ARL6IP4: variants seen among roughly 807,000 people sequenced by gnomAD.
ARL6IP4 encodes ARF like GTPase 6 interacting protein 4, also known as ADP-ribosylation factor-like protein 6-interacting protein 4.
A neutral mutation model predicts 28.1 loss-of-function variants in ARL6IP4; 24 were observed. That is an observed-to-expected ratio of 0.86 (90% confidence interval 0.62 to 1.20). The LOEUF (loss-of-function observed/expected upper bound fraction) is 1.20. ARL6IP4 is among the 50% of genes most tolerant of loss of function. The pLI, the probability that ARL6IP4 is intolerant of heterozygous loss-of-function variation, is 0.00. For synonymous variants in ARL6IP4, 162 were observed against 122.3 expected, an observed-to-expected ratio of 1.32 and a Z score of -2.14; for missense variants, 343 against 302.4, an observed-to-expected ratio of 1.13 and a Z score of -1.00.
chr12:122,981,739 A>AGAG lies in ARL6IP4; in HGVS notation c.335_337dup (p.Arg112dup), dbSNP rs749115516. 14 of 1,554,074 alleles carry AGAG rather than the reference A, an allele frequency of 9.0e-6. No individual in the cohort carries two copies. In the South Asian group the frequency reaches 1.5e-4, roughly 17 times the overall value. Reference sequence around the variant, plus strand: ...AAGAAGCGGGGGAAGTACAAGGACAAGAGGAGGAAGAAGAAGAAGAAGAGG... The same window carrying AGAG: ...AAGAAGCGGGGGAAGTACAAGGACAAGAGGAGGAGGAAGAAGAAGAAGAAGAGG... On this transcript the variant is annotated inframe_insertion, in exon 3 of 6. Coordinates refer to ENST00000315580, the MANE Select transcript of ARL6IP4 (RefSeq NM_018694.4).
intron 4 of ARL6IP4, 133 bp downstream of exon 4, chr12:122,982,207 C>A: frequency 1.9e-6 from 2 of 1,041,574 alleles, no homozygotes; most frequent in Non-Finnish European, 2.9e-6. Flanking sequence ...AAAATACGGT[C>A]ACTTGGAGTA....
chr12:122,981,756 A>C lies in ARL6IP4; in HGVS notation c.346A>C (p.Lys116Gln). The C allele has an allele frequency of 6.4e-7, 1 of 1,559,684 alleles. No homozygotes were observed. The highest frequency in any genetic ancestry group is 2.4e-5 in the East Asian group (1 of 41,520). The change falls in exon 3 of 6, where the codon AAG becomes CAG. Residue 116 changes from lysine (K) to glutamine (Q), a missense_variant. Transcript: ENST00000315580. Reference sequence around the variant, plus strand: ...CAAGGACAAGAGGAGGAAGAAGAAGAAGAAGAGGAAGAAGCTGAAGAAGAA... The same window carrying C: ...CAAGGACAAGAGGAGGAAGAAGAAGCAGAAGAGGAAGAAGCTGAAGAAGAA... ...KYKDKRRKKK[K>Q]KRKKLKKKGK... is the part of the protein sequence containing the mutation.
chr12:122,982,439 C>T (rs748886536), intron 4 of ARL6IP4, 30 bp from the exon 5 acceptor site: 5 of 1,588,392 alleles, frequency 3.1e-6, no homozygotes, highest in Non-Finnish European at 4.3e-6. Flanking sequence ...CTGCCTATTC[C>T]TTGCTGAACG....
chr12:122,980,858 G>A, intron 1 of ARL6IP4, 113 bp downstream of exon 1: 2 of 1,332,074 alleles, frequency 1.5e-6, no homozygotes, highest in South Asian at 2.1e-5. Context: ...CGCGGCGGAC[G>A]GCGGCCAGTT....
intron 4 of ARL6IP4, 21 bp from the exon 5 acceptor site, chr12:122,982,448 C>A (rs768534327): frequency 2.5e-6 from 4 of 1,601,556 alleles, no homozygotes. Context: ...CCTTGCTGAA[C>A]GGAGACCCTC....
rs1264364421 is a variant in ARL6IP4, at chr12:122,981,152, G to C, written c.13G>C (p.Gly5Arg). 8 of 1,548,784 alleles carry C rather than the reference G, an allele frequency of 5.2e-6. No individual in the cohort carries two copies. The highest frequency in any genetic ancestry group is 7.0e-6 in the Non-Finnish European group (8 of 1,146,416). ...AGCCCGCGGCGCCATGGCTCACGTC[G>C]GCTCCCGCAAGCGCTCGAGGAGTCG... MAHV[G>R]SRKRSRSRSR... Residue 5 changes from glycine (G) to arginine (R), a missense_variant, in exon 2 of 6, where the codon GGC (glycine) becomes CGC (arginine). Gly to Arg is a moderately radical substitution (Grantham distance 125, BLOSUM62 -2). Coordinates refer to ENST00000315580, the MANE Select transcript of ARL6IP4 (RefSeq NM_018694.4).
chr12:122,982,681 C>T lies in ARL6IP4; in HGVS notation c.*5C>T, dbSNP rs1486857736. 2.5e-6 allele frequency: 4 copies of T among 1,613,386 alleles called. No individual in the cohort carries two copies. The highest frequency in any genetic ancestry group is 3.4e-6 in the Non-Finnish European group (4 of 1,179,956). On this transcript the variant is annotated 3_prime_UTR_variant, in exon 6 of 6. Transcript: ENST00000315580. ...CGAGCTGGGTTGCTTCCCTGAGGGC[C>T]CCCGCTGGCCAAGGCCTGTGGACGA... is the stretch of plus-strand genomic sequence containing the variant.
intron 5 of ARL6IP4, 39 bp downstream of exon 5, chr12:122,982,577 C>G (rs543599804): frequency 6.2e-7 from 1 of 1,614,180 alleles, no homozygotes; most frequent in Non-Finnish European, 8.5e-7. Context: ...GCCCCCAGCT[C>G]TGTTTGTGAT....
chr12:122,982,474 T>C lies in ARL6IP4; in HGVS notation c.593T>C (p.Ile198Thr). The C allele has an allele frequency of 6.2e-7, 1 of 1,613,288 alleles. No individual in the cohort carries two copies. Among genetic ancestry groups the C allele is most frequent in the South Asian group, 1.1e-5 (1 of 90,896 alleles). The change falls in exon 5 of 6, where the codon ATT (isoleucine) becomes ACT (threonine). Residue 198 changes from isoleucine to threonine, a missense_variant. By Grantham distance (89) the Ile-to-Thr change is moderately conservative (BLOSUM62 -1). Coordinates refer to ENST00000315580, the MANE Select transcript of ARL6IP4 (RefSeq NM_018694.4). Reference sequence around the variant, plus strand: ...GGAGACCCTCCCACCCCCAGGCTTATTAAGGGAGATGGCGAGGTCCTAGAG... The same window carrying C: ...GGAGACCCTCCCACCCCCAGGCTTACTAAGGGAGATGGCGAGGTCCTAGAG... ...VDPETGRTRL[I>T]KGDGEVLEEI...
intron 1 of ARL6IP4, 106 bp downstream of exon 1, chr12:122,980,851 G>A: frequency 7.5e-7 from 1 of 1,331,800 alleles, no homozygotes; most frequent in Non-Finnish European, 9.5e-7. Context: ...CGCCACTCGC[G>A]GCGGACGGCG....
At chr12:122,980,557 C>A (rs536795391), upstream of ARL6IP4, 4 of 1,353,954 alleles carry the variant, frequency 3.0e-6, no homozygotes, top group Non-Finnish European at 3.8e-6. Context: ...CGAGGGCCGG[C>A]GCCCCTGCTT....
At position 122,981,749 on chromosome 12, in the gene ARL6IP4, GA is replaced by G. The variant is rs760277702; in HGVS notation, c.341del (p.Lys114ArgfsTer8). 114 of 1,550,058 alleles carry G rather than the reference GA, an allele frequency of 7.4e-5. No homozygotes were observed. The African/African-American group carries it at 1.5e-3, about 21-fold the overall frequency. On this transcript the variant is annotated frameshift_variant, in exon 3 of 6. Coordinates refer to ENST00000315580, the MANE Select transcript of ARL6IP4 (RefSeq NM_018694.4). LOFTEE classifies it high-confidence loss of function. ...GGAAGTACAAGGACAAGAGGAGGAA[GA>G]AGAAGAAGAAGAGGAAGAAGCTGAA... is the stretch of plus-strand genomic sequence containing the variant. The part of the protein sequence containing the change: ...RGKYKDKRRK[K>X]KKKRKKLKKK...
chr12:122,981,541 G>A (rs1223034282), intron 2 of ARL6IP4, 30 bp from the exon 3 acceptor site: 14 of 1,516,140 alleles, frequency 9.2e-6, no homozygotes, highest in Admixed American at 5.8e-5. Context: ...AGGGGACGAA[G>A]GTTTACCTCT....
Position 122,982,496 on chromosome 12 carries a change from A to G in ARL6IP4, c.615A>G (p.Leu205=), listed in dbSNP as rs779507052. 9 of 1,614,028 alleles carry G rather than the reference A, an allele frequency of 5.6e-6. No homozygotes were observed. The highest frequency in any genetic ancestry group is 5.0e-5 in the Admixed American group (3 of 60,016). The change falls in exon 5 of 6, where the codon CTA becomes CTG. Residue 205 remains leucine (L), a synonymous_variant. Transcript: ENST00000315580. ...TRLIKGDGEV[L]EEIVTKERHR... ...TTATTAAGGGAGATGGCGAGGTCCTAGAGGAAATCGTAACCAAAGAACGAC... is the reference window on the plus strand; with the variant it reads ...TTATTAAGGGAGATGGCGAGGTCCTGGAGGAAATCGTAACCAAAGAACGAC...
intron 2 of ARL6IP4, 115 bp from the exon 3 acceptor site, chr12:122,981,456 C>G: frequency 7.2e-7 from 1 of 1,386,740 alleles, no homozygotes; most frequent in Non-Finnish European, 9.6e-7. Flanking sequence ...CTCTGGGAAG[C>G]TCCATCTCTG....
intron 1 of ARL6IP4, 138 bp from the exon 2 acceptor site, chr12:122,980,991 G>A (rs2037620778): frequency 2.1e-6 from 3 of 1,402,122 alleles, no homozygotes; most frequent in Admixed American, 3.1e-5. Flanking sequence ...GCTGGGGGTG[G>A]GTGAGGGTCG....
chr12:122,982,048 G>A lies in ARL6IP4; in HGVS notation c.561G>A (p.Val187=), dbSNP rs1295809046. 3 of 1,613,488 alleles carry A rather than the reference G, an allele frequency of 1.9e-6. No individual in the cohort carries two copies. The highest frequency in any genetic ancestry group is 2.5e-6 in the Non-Finnish European group (3 of 1,180,040). Residue 187 remains valine (V), a synonymous_variant, in exon 4 of 6, where the codon GTG becomes GTA. Transcript: ENST00000315580. ...WDARQSIIRK[V]VDPETGRTRL... ...CCCGGCAGAGCATCATCCGCAAGGTGGTGGACCCTGAGACGGGGCGCACCA... is the reference window on the plus strand; with the variant it reads ...CCCGGCAGAGCATCATCCGCAAGGTAGTGGACCCTGAGACGGGGCGCACCA...
upstream of ARL6IP4, chr12:122,980,549 A>G: frequency 7.4e-7 from 1 of 1,353,108 alleles, no homozygotes; most frequent in Non-Finnish European, 9.5e-7. Flanking sequence ...GCGGAGCTCG[A>G]GGGCCGGCGC....
chr12:122,981,861 G>A lies in ARL6IP4; in HGVS notation c.451G>A (p.Glu151Lys), dbSNP rs2037682709. The change falls in exon 3 of 6, where the codon GAG becomes AAG. Residue 151 changes from glutamate (E) to lysine (K), a missense_variant. Coordinates refer to ENST00000315580, the MANE Select transcript of ARL6IP4 (RefSeq NM_018694.4). Reference protein sequence around the residue: ...SLDQWHRSAGEEEDGPVLTDE... With the variant: ...SLDQWHRSAGKEEDGPVLTDE... Reference sequence around the variant, plus strand: ...GGACCAGTGGCACCGATCAGCTGGGGAGGAAGAGGATGGCCCAGGTACTGT... The same window carrying A: ...GGACCAGTGGCACCGATCAGCTGGGAAGGAAGAGGATGGCCCAGGTACTGT... 9 of 1,610,964 alleles carry A rather than the reference G, an allele frequency of 5.6e-6. No individual in the cohort carries two copies. The highest frequency in any genetic ancestry group is 6.8e-6 in the Non-Finnish European group (8 of 1,178,130).
Sources: gnomAD v4.1 joint callset for allele counts on GRCh38, gnomAD v4.1.1 for gene constraint, MANE v1.5 for transcripts, NCBI Gene and HGNC (gene_info 2026-07-23, HGNC 2026-07-21) for gene names.